HMBOX1: variants seen among roughly 807,000 people sequenced by gnomAD.
HMBOX1 encodes homeobox containing 1, also known as homeobox-containing protein 1.
A neutral mutation model predicts 54.5 loss-of-function variants in HMBOX1; 14 were observed. The observed-to-expected ratio is 0.26, with a 90% confidence interval of 0.17 to 0.40. The LOEUF (loss-of-function observed/expected upper bound fraction) is 0.40, where lower values mean the gene tolerates loss of function less well. Among genes scored for constraint, HMBOX1 ranks in the 10% least tolerant of loss-of-function variants. The pLI is 1.00. For missense variants in HMBOX1, 332 were observed against 514.4 expected, an observed-to-expected ratio of 0.65 and a Z score of 3.43; for synonymous variants, 160 against 181.0, an observed-to-expected ratio of 0.88 and a Z score of 0.93.
rs144278862 is a variant in HMBOX1 at position 28,955,413 on chromosome 8, C to T, written c.-57-8398C>T. Among the ~76,000 whole-genome samples the T allele has an allele frequency of 7.9e-4, 120 of 152,200 alleles. 1 individual carries two copies. The highest frequency in any genetic ancestry group is 2.6e-3 in the African/African-American group (109 of 41,510). The stretch of plus-strand genomic sequence containing the variant: ...GCATATGTATGTCTGCCTTTAGATA[C>T]GCAAACTGATGTCAGAACACACATA... On this transcript the variant is annotated intron_variant, in intron 1 of 9. Coordinates refer to ENST00000287701, the MANE Select transcript of HMBOX1 (RefSeq NM_001135726.3).
At chr8:28,986,054 C>T (rs1830115913) in intron 4 of HMBOX1, among the ~76,000 whole-genome samples, 1 of 152,136 alleles carries the variant, frequency 6.6e-6, no homozygotes, top group South Asian at 2.1e-4. Flanking sequence ...TTGCACTGCC[C>T]AAAAACTTCT....
chr8:28,989,902 G>T (rs1830728712), intron 4 of HMBOX1, among the ~76,000 whole-genome samples: 1 of 151,932 alleles, frequency 6.6e-6, no homozygotes, highest in South Asian at 2.1e-4. Flanking sequence ...GTGGTTTTCA[G>T]TGTACACGTT....
intron 1 of HMBOX1, among the ~76,000 whole-genome samples, chr8:28,938,681 C>A (rs1820812767): frequency 6.6e-6 from 1 of 151,426 alleles, no homozygotes; most frequent in Admixed American, 6.6e-5. Flanking sequence ...CTCCTGGCCT[C>A]AAGTGATCCT....
intron 9 of HMBOX1, chr8:29,049,524 G>A: frequency 7.3e-7 from 1 of 1,365,358 alleles, no homozygotes; most frequent in Non-Finnish European, 9.6e-7. Context: ...CACTGCAGTG[G>A]GAACCCTCCT....
chr8:29,010,389 T>C (rs1834065258), intron 5 of HMBOX1, among the ~76,000 whole-genome samples: 2 of 152,066 alleles, frequency 1.3e-5, no homozygotes, highest in African/African-American at 4.8e-5. Flanking sequence ...AAACCCTGTC[T>C]CTACTAAAAA....
intron 3 of HMBOX1, among the ~76,000 whole-genome samples, chr8:28,978,786 CAAAAAA>C (rs36075812): frequency 1.0e-5 from 1 of 95,842 alleles, no homozygotes; most frequent in Admixed American, 1.3e-4. Flanking sequence ...GACTCCGTCT[CAAAAAA>C]AAAAAAAAAA....
chr8:29,039,851 G>C (rs532742806), intron 6 of HMBOX1, among the ~76,000 whole-genome samples: 36 of 152,116 alleles, frequency 2.4e-4, no homozygotes, highest in African/African-American at 8.4e-4. Flanking sequence ...ACACTCTGGG[G>C]GATTAAGATG....
chr8:28,932,956 C>T (rs1819716226), intron 1 of HMBOX1, among the ~76,000 whole-genome samples: 1 of 152,046 alleles, frequency 6.6e-6, no homozygotes, highest in African/African-American at 2.4e-5. Flanking sequence ...GTGTAGCTCT[C>T]CAAGAAAGTG....
intron 1 of HMBOX1, chr8:28,915,624 A>T (rs1205463611): frequency 6.6e-6 from 1 of 150,674 alleles, no homozygotes; most frequent in African/African-American, 2.4e-5. Context: ...TGCAGTGGCT[A>T]TATTCACAGG....
At chr8:29,040,502 A>C (rs1255675292) in intron 6 of HMBOX1, among the ~76,000 whole-genome samples, 5 of 152,324 alleles carry the variant, frequency 3.3e-5, no homozygotes, top group African/African-American at 9.6e-5. Flanking sequence ...TTTAGATTAT[A>C]CTGTATATCT....
At chr8:29,037,443 G>A (rs959882774) in intron 6 of HMBOX1, among the ~76,000 whole-genome samples, 4 of 152,012 alleles carry the variant, frequency 2.6e-5, no homozygotes, top group Non-Finnish European at 4.4e-5. Context: ...AAATTAGCAC[G>A]TGCTTAATAT....
intron 3 of HMBOX1, among the ~76,000 whole-genome samples, chr8:28,971,689 A>G (rs752811796): frequency 8.5e-5 from 13 of 152,222 alleles, no homozygotes; most frequent in Non-Finnish European, 1.5e-4. Context: ...AGACAATGTA[A>G]TATGAATAAT....
intron 1 of HMBOX1, among the ~76,000 whole-genome samples, chr8:28,934,664 G>A (rs549325423): frequency 6.6e-6 from 1 of 152,116 alleles, no homozygotes; most frequent in African/African-American, 2.4e-5. Flanking sequence ...GGTGGCTCAC[G>A]CCTGTAATTC....
chr8:28,895,201 A>G (rs778970471), intron 1 of HMBOX1, among the ~76,000 whole-genome samples: 39 of 152,216 alleles, frequency 2.6e-4, no homozygotes, highest in Non-Finnish European at 5.3e-4. Context: ...GATGGTCCAC[A>G]TGTGGTGTAT....
chr8:28,985,203 A>G (rs768513182), intron 4 of HMBOX1, among the ~76,000 whole-genome samples: 1 of 152,226 alleles, frequency 6.6e-6, no homozygotes, highest in Non-Finnish European at 1.5e-5. Flanking sequence ...GAGGCTGGGA[A>G]GTCCAGGATG....
At chr8:28,934,772 GA>G (rs1182684671) in intron 1 of HMBOX1, among the ~76,000 whole-genome samples, 10 of 151,378 alleles carry the variant, frequency 6.6e-5, no homozygotes, top group Non-Finnish European at 1.3e-4. Context: ...AAAAATACAA[GA>G]AAAATTAGCT....
At chr8:29,048,779 C>T (rs1563648798) in intron 8 of HMBOX1, among the ~76,000 whole-genome samples, 175 bp from the exon 9 acceptor site, 1 of 152,182 alleles carries the variant, frequency 6.6e-6, no homozygotes, top group Non-Finnish European at 1.5e-5. Flanking sequence ...CTCCCCTGAC[C>T]TACATGCAGT....
intron 6 of HMBOX1, among the ~76,000 whole-genome samples, chr8:29,022,657 C>G (rs1374936550): frequency 1.3e-5 from 2 of 151,970 alleles, no homozygotes; most frequent in Non-Finnish European, 2.9e-5. Flanking sequence ...AAGTTTAAAA[C>G]AAGGCAGAAT....
intron 6 of HMBOX1, among the ~76,000 whole-genome samples, chr8:29,026,494 TTAAA>T (rs1429815521): frequency 2.6e-5 from 4 of 152,176 alleles, no homozygotes; most frequent in African/African-American, 4.8e-5. Flanking sequence ...ATTGTATGCC[TTAAA>T]TAAGTGAAGT....
Sources: allele counts gnomAD v4.1 joint callset (sites outside exome capture counted in the v4.1 genomes callset), GRCh38; gene constraint gnomAD v4.1.1; transcripts MANE v1.5; gene names NCBI Gene and HGNC (gene_info 2026-07-23, HGNC 2026-07-21).